SKAP2: variants seen among roughly 807,000 people sequenced by gnomAD.
SKAP2 encodes the protein src kinase associated phosphoprotein 2.
In SKAP2, 28 loss-of-function variants were observed where a neutral mutation model predicts 54.9. The observed-to-expected ratio is 0.51, with a 90% CI of 0.38 to 0.70. The LOEUF (loss-of-function observed/expected upper bound fraction) is 0.70. Ranked by LOEUF, SKAP2 falls within the 30% of genes least tolerant of loss-of-function variation. The pLI is 0.00. For synonymous variants in SKAP2, 137 were observed against 134.3 expected (o/e 1.02, Z -0.14); for missense variants, 356 against 424.1 (o/e 0.84, Z 1.41).
chr7:26,771,973 C>T lies in SKAP2; in HGVS notation c.308-32009G>A, dbSNP rs145361981. On this transcript the variant is annotated intron_variant, in intron 4 of 12. Coordinates refer to ENST00000345317, the MANE Select transcript of SKAP2 (RefSeq NM_003930.5). ...GTTTTATTCATCTTCCTATTCCTAT[C>T]GCCTGGAAGATCATTATTTAATAAA... Among the ~76,000 whole-genome samples the T allele has an allele frequency of 5.3e-3, 810 of 152,140 alleles. 6 individuals carry two copies. The highest frequency in any genetic ancestry group is 0.018 in the African/African-American group (765 of 41,502).
At chr7:26,788,616 A>G (rs1783608339) in intron 4 of SKAP2, among the ~76,000 whole-genome samples, 1 of 152,216 alleles carries the variant, frequency 6.6e-6, no homozygotes, top group Admixed American at 6.5e-5. Flanking sequence ...ACCCCTTTAT[A>G]ATAGCTCAAA....
intron 4 of SKAP2, among the ~76,000 whole-genome samples, chr7:26,749,575 C>G (rs1782634849): frequency 6.6e-6 from 1 of 151,758 alleles, no homozygotes; most frequent in African/African-American, 2.4e-5. Flanking sequence ...CAGCAACACC[C>G]CATCTCTATA....
intron 4 of SKAP2, among the ~76,000 whole-genome samples, chr7:26,801,839 A>T (rs542316433): frequency 1.9e-4 from 29 of 152,316 alleles, no homozygotes; most frequent in Admixed American, 5.2e-4. Flanking sequence ...AAATACTTAT[A>T]AAGAAAATTG....
intron 4 of SKAP2, among the ~76,000 whole-genome samples, chr7:26,805,868 C>T (rs1295775919): frequency 2.0e-5 from 3 of 152,284 alleles, no homozygotes; most frequent in Non-Finnish European, 4.4e-5. Context: ...TTGCAGACAT[C>T]GCACCTTCTA....
chr7:26,846,849 C>T (rs10251839), intron 3 of SKAP2, among the ~76,000 whole-genome samples: 32,153 of 151,976 alleles, frequency 0.21, 3,482 homozygotes, highest in Non-Finnish European at 0.24. Flanking sequence ...GGCATGATGG[C>T]AGGCACCTGT....
At chr7:26,688,363 T>C (rs888393295) in intron 10 of SKAP2, among the ~76,000 whole-genome samples, 1 of 152,194 alleles carries the variant, frequency 6.6e-6, no homozygotes, top group Non-Finnish European at 1.5e-5. Flanking sequence ...AAGATTAATT[T>C]TGTTTTTGCT....
At chr7:26,834,882 G>T (rs1037467440) in intron 4 of SKAP2, among the ~76,000 whole-genome samples, 1 of 151,994 alleles carries the variant, frequency 6.6e-6, no homozygotes. Flanking sequence ...ACCTGGCAGG[G>T]ACACAACAAA....
intron 9 of SKAP2, among the ~76,000 whole-genome samples, chr7:26,713,285 A>G: frequency 6.6e-6 from 1 of 152,174 alleles, no homozygotes; most frequent in Non-Finnish European, 1.5e-5. Flanking sequence ...TCCCTCTCAC[A>G]TTATCCTCTT....
chr7:26,688,980 A>G (rs957489700), intron 10 of SKAP2, among the ~76,000 whole-genome samples: 1 of 152,188 alleles, frequency 6.6e-6, no homozygotes, highest in African/African-American at 2.4e-5. Flanking sequence ...AGTGTTTTAT[A>G]GCTTCATTTT....
intron 4 of SKAP2, among the ~76,000 whole-genome samples, chr7:26,768,686 G>A (rs1167412618): frequency 6.6e-6 from 1 of 152,152 alleles, no homozygotes; most frequent in African/African-American, 2.4e-5. Context: ...TTGCTTGTCT[G>A]TAAAGGATTT....
intron 9 of SKAP2, among the ~76,000 whole-genome samples, chr7:26,724,434 A>G (rs1412253201): frequency 6.6e-6 from 1 of 152,110 alleles, no homozygotes; most frequent in South Asian, 2.1e-4. Context: ...CAGAATTTAA[A>G]TTTTTTTCTT....
chr7:26,844,092 G>A lies in SKAP2; in HGVS notation c.245C>T (p.Pro82Leu). ...TGAGGCTAATGAAATAGTGTCTGGA[G>A]GCCCAGCAAAAGGGTCATCATATTC... ...GEEYDDPFAG[P>L]PDTISLASER... The change falls in exon 4 of 13, where the codon CCT becomes CTT. Residue 82 changes from proline (P) to leucine (L), a missense_variant. By Grantham distance (98) the Pro-to-Leu change is moderately conservative (BLOSUM62 -3). Transcript: ENST00000345317. 2 of 1,612,214 alleles carry A rather than the reference G, an allele frequency of 1.2e-6. No individual in the cohort carries two copies. Among genetic ancestry groups the A allele is most frequent in the East Asian group, 2.2e-5 (1 of 44,804 alleles).
At chr7:26,833,237 C>CA (rs200294611) in intron 4 of SKAP2, among the ~76,000 whole-genome samples, 31,953 of 150,524 alleles carry the variant, frequency 0.21, 3,427 homozygotes, top group Non-Finnish European at 0.24. Flanking sequence ...ACTAAAAACA[C>CA]AAAAAAAAAT....
intron 4 of SKAP2, among the ~76,000 whole-genome samples, chr7:26,760,292 A>C (rs775190519): frequency 1.3e-5 from 2 of 152,186 alleles, no homozygotes; most frequent in African/African-American, 4.8e-5. Context: ...ATAGGCCTAG[A>C]AAGAAAAATT....
intron 4 of SKAP2, among the ~76,000 whole-genome samples, chr7:26,753,795 A>G (rs1392276801): frequency 6.6e-6 from 1 of 152,192 alleles, no homozygotes; most frequent in Non-Finnish European, 1.5e-5. Context: ...TGAGAAGCTC[A>G]TGATTAGGTG....
intron 4 of SKAP2, among the ~76,000 whole-genome samples, chr7:26,841,178 GGCT>G (rs1784809508): frequency 1.3e-5 from 2 of 152,096 alleles, no homozygotes; most frequent in East Asian, 1.9e-4. Flanking sequence ...ACAAAGCTGT[GGCT>G]ACTCTAGTCT....
intron 9 of SKAP2, among the ~76,000 whole-genome samples, chr7:26,692,139 T>A (rs1250879658): frequency 1.3e-5 from 2 of 151,748 alleles, no homozygotes; most frequent in Non-Finnish European, 2.9e-5. Context: ...GAGATGGTTA[T>A]AAGAGGTAAA....
chr7:26,854,637 A>G, intron 2 of SKAP2, 148 bp downstream of exon 2: 1 of 688,550 alleles, frequency 1.5e-6, no homozygotes, highest in South Asian at 1.9e-5. Context: ...TATAGTGGAA[A>G]TATATTTTTT....
At chr7:26,832,742 G>A (rs1407249937) in intron 4 of SKAP2, among the ~76,000 whole-genome samples, 1 of 152,146 alleles carries the variant, frequency 6.6e-6, no homozygotes, top group Non-Finnish European at 1.5e-5. Context: ...CCTTGCAACT[G>A]GAAAGCAGAT....
Sources: allele counts gnomAD v4.1 joint callset (sites outside exome capture counted in the v4.1 genomes callset), GRCh38; gene constraint gnomAD v4.1.1; transcripts MANE v1.5; gene names NCBI Gene and HGNC (gene_info 2026-07-23, HGNC 2026-07-21).